The following ANK3 variants were observed in gnomAD, a reference collection of about 807,000 sequenced individuals.
ANK3 encodes the protein ankyrin-3.
In ANK3, 57 loss-of-function variants were observed where a neutral mutation model predicts 370.9. That is an observed-to-expected ratio of 0.15 (90% CI 0.12 to 0.19). The LOEUF is 0.19. ANK3 is among the 10% of genes least tolerant of loss of function. The probability of loss-of-function intolerance (pLI) is 1.00; values close to 1 mark genes in which losing one functional copy is unlikely to be tolerated. For missense variants in ANK3, 4,439 were observed against 5,302.1 expected (o/e 0.84, Z 5.06); for synonymous variants, 1,929 against 1,946.3 (o/e 0.99, Z 0.23).
intron 1 of ANK3, among the ~76,000 whole-genome samples, chr10:60,388,589 G>A (rs2062755220): frequency 6.6e-6 from 1 of 152,054 alleles, no homozygotes; most frequent in Non-Finnish European, 1.5e-5. Context: ...GTACCTAGGA[G>A]TCATATTTAA....
intron 18 of ANK3, among the ~76,000 whole-genome samples, chr10:60,176,196 C>CAAAAAA (rs553748635): frequency 1.5e-5 from 2 of 136,430 alleles, no homozygotes; most frequent in African/African-American, 5.5e-5. Flanking sequence ...AAAAAAAAAA[C>CAAAAAA]AAAAAAAAAC....
Position 60,389,454 on chromosome 10 carries a change from G to T in ANK3, c.85C>A (p.Arg29Ser), listed in dbSNP as rs766995409. 1 of 1,613,852 alleles carries T rather than the reference G, an allele frequency of 6.2e-7. No homozygotes were observed. The highest frequency in any genetic ancestry group is 2.2e-5 in the East Asian group (1 of 44,864). The change falls in exon 1 of 44, where the codon CGC becomes AGC. Residue 29 changes from arginine (R) to serine (S), a missense_variant. Coordinates refer to ENST00000280772, the MANE Select transcript of ANK3 (RefSeq NM_020987.5). ...TTCTTCCGATCCCGGGACCGTTTGC[G>T]GTGTTTCCTTTTTTTCTCAGGCTCT... is the stretch of plus-strand genomic sequence containing the variant. ...EEEPEKKRKH[R>S]KRSRDRKKKS...
intron 25 of ANK3, among the ~76,000 whole-genome samples, chr10:60,116,127 C>A (rs750436123): frequency 6.6e-6 from 1 of 152,110 alleles, no homozygotes; most frequent in Non-Finnish European, 1.5e-5. Flanking sequence ...ATCACTACCA[C>A]CAACCCTAGC....
At chr10:60,249,253 T>G (rs1258829767) in intron 7 of ANK3, among the ~76,000 whole-genome samples, 1 of 152,246 alleles carries the variant, frequency 6.6e-6, no homozygotes, top group Non-Finnish European at 1.5e-5. Context: ...ATTTTAACAT[T>G]TGAAACAATT....
chr10:60,064,603 G>A (rs1436961011), intron 38 of ANK3, among the ~76,000 whole-genome samples: 2 of 152,006 alleles, frequency 1.3e-5, no homozygotes, highest in Non-Finnish European at 2.9e-5. Context: ...TGAGGCAGGT[G>A]GATTGCTTGC....
intron 1 of ANK3, among the ~76,000 whole-genome samples, chr10:60,361,284 C>A (rs1312719777): frequency 6.6e-6 from 1 of 152,140 alleles, no homozygotes; most frequent in East Asian, 1.9e-4. Flanking sequence ...ATTCTACTTA[C>A]CAAAAAGCAG....
At chr10:60,728,378 G>T (rs546512777) in intron 1 of ANK3, among the ~76,000 whole-genome samples, 1 of 152,128 alleles carries the variant, frequency 6.6e-6, no homozygotes, top group African/African-American at 2.4e-5. Context: ...GCCATCAATC[G>T]TAGGGAGCAC....
At chr10:60,584,833 G>A (rs927628144) in intron 2 of ANK3, among the ~76,000 whole-genome samples, 4 of 151,964 alleles carry the variant, frequency 2.6e-5, no homozygotes, top group Non-Finnish European at 5.9e-5. Context: ...CCAGTTTGAC[G>A]AATATTCATT....
intron 2 of ANK3, among the ~76,000 whole-genome samples, chr10:60,522,291 A>G (rs1398875179): frequency 6.6e-6 from 1 of 151,162 alleles, no homozygotes; most frequent in African/African-American, 2.4e-5. Flanking sequence ...TCCTGCTGAC[A>G]CAGGATGACA....
intron 18 of ANK3, among the ~76,000 whole-genome samples, chr10:60,181,026 G>A (rs2096163133): frequency 6.6e-6 from 1 of 152,002 alleles, no homozygotes; most frequent in African/African-American, 2.4e-5. Context: ...CAAAAACTAA[G>A]AAAGGTACAA....
intron 1 of ANK3, among the ~76,000 whole-genome samples, chr10:60,287,769 G>C (rs926765101): frequency 2.6e-5 from 4 of 152,078 alleles, no homozygotes; most frequent in Non-Finnish European, 5.9e-5. Context: ...CTCAACACCA[G>C]GGGTTTTCCA....
At chr10:60,451,278 CTGT>C (rs534155590) in intron 2 of ANK3, among the ~76,000 whole-genome samples, 2 of 152,200 alleles carry the variant, frequency 1.3e-5, no homozygotes, top group Non-Finnish European at 2.9e-5. Flanking sequence ...GAACACATTT[CTGT>C]TGTTTAAGCC....
intron 8 of ANK3, among the ~76,000 whole-genome samples, chr10:60,229,746 T>A (rs1271966285): frequency 6.6e-6 from 1 of 152,184 alleles, no homozygotes; most frequent in Non-Finnish European, 1.5e-5. Flanking sequence ...TAAATTAAGA[T>A]GTTTTGACAA....
At position 60,208,161 on chromosome 10, in the gene ANK3, T is replaced by A. The variant is rs776335889; in HGVS notation, c.1069A>T (p.Asn357Tyr). Residue 357 changes from asparagine (N) to tyrosine (Y), a missense_variant, in exon 10 of 44, where the codon AAT (asparagine) becomes TAT (tyrosine). By Grantham distance (143) the Asn-to-Tyr change is moderately radical. Around this residue, in one of 13 missense-constraint regions of ANK3, gnomAD observed 227 missense variants for 377.6 expected, o/e 0.60. Coordinates refer to ENST00000280772, the MANE Select transcript of ANK3 (RefSeq NM_020987.5). ...TTGGTGACATCATCCACGGGTACAT[T>A]ATGCTGGAGGAGAAGCTGGACGCAG... ...LNCVQLLLQH[N>Y]VPVDDVTNDY... 2.7e-5 allele frequency: 43 copies of A among 1,614,014 alleles called. 1 individual carries two copies. In the South Asian group the frequency reaches 4.4e-4, roughly 16 times the overall value.
At chr10:60,272,433 G>A (rs184907675) in intron 4 of ANK3, among the ~76,000 whole-genome samples, 12 of 151,848 alleles carry the variant, frequency 7.9e-5, no homozygotes, top group African/African-American at 2.2e-4. Flanking sequence ...CAGAGGGCAG[G>A]TTCAGATTTT....
chr10:60,622,154 C>A (rs1436971358), intron 1 of ANK3, among the ~76,000 whole-genome samples: 1 of 152,068 alleles, frequency 6.6e-6, no homozygotes, highest in Non-Finnish European at 1.5e-5. Context: ...TTTAGCTCTC[C>A]AATTTCACAG....
At chr10:60,693,967 T>C (rs1407931128) in intron 1 of ANK3, among the ~76,000 whole-genome samples, 2 of 151,822 alleles carry the variant, frequency 1.3e-5, no homozygotes, top group Non-Finnish European at 2.9e-5. Context: ...CGGGAGGACA[T>C]TCAAACCAAA....
At chr10:60,426,586 T>C (rs2063892983) in intron 2 of ANK3, among the ~76,000 whole-genome samples, 1 of 152,134 alleles carries the variant, frequency 6.6e-6, no homozygotes, top group South Asian at 2.1e-4. Context: ...TGATGAAATC[T>C]GTTGCTTTAG....
intron 2 of ANK3, among the ~76,000 whole-genome samples, chr10:60,547,800 A>C (rs929211695): frequency 6.6e-6 from 1 of 152,110 alleles, no homozygotes; most frequent in African/African-American, 2.4e-5. Flanking sequence ...AACAAAAGAC[A>C]AGCAGTTACC....
Sources: gnomAD v4.1 joint callset for allele counts (sites outside exome capture counted in the v4.1 genomes callset) on GRCh38, gnomAD v4.1.1 for gene constraint, gnomAD v4.1.1 regional missense constraint, MANE v1.5 for transcripts, NCBI Gene and HGNC (gene_info 2026-07-23, HGNC 2026-07-21) for gene names.